Variants in DNAH9 observed in about 807,000 individuals in gnomAD.
DNAH9 encodes DNAH9 variant protein.
Under a neutral mutation model 471.6 loss-of-function variants are expected in DNAH9, and 345 were observed. The observed-to-expected ratio is 0.73, with a 90% CI of 0.67 to 0.80. The LOEUF is 0.80. Among genes scored for constraint, DNAH9 ranks in the 30% least tolerant of loss-of-function variants. The probability of loss-of-function intolerance (pLI) is 0.00; values close to 1 mark genes in which losing one functional copy is unlikely to be tolerated. For missense variants in DNAH9, 5,407 were observed against 5,609.2 expected, an observed-to-expected ratio of 0.96 and a Z score of 1.15; for synonymous variants, 2,093 against 2,123.6, an observed-to-expected ratio of 0.99 and a Z score of 0.40.
In DNAH9 at chr17:11,689,677, T is replaced by C; in HGVS notation, c.3855T>C (p.Asn1285=). The C allele has an allele frequency of 6.2e-7, 1 of 1,614,136 alleles. No individual in the cohort carries two copies. The highest frequency in any genetic ancestry group is 8.5e-7 in the Non-Finnish European group (1 of 1,180,010). ...ISESASLFEV[N]VPDYKQLRQC... ...AGTCTGCCAGCTTATTTGAAGTCAA[T>C]GTCCCTGACTATAAGCAGCTGAGGC... Residue 1285 remains asparagine, a synonymous_variant, in exon 20 of 69, where the codon AAT becomes AAC. Transcript: ENST00000262442.
chr17:11,783,202 A>T (rs974322063), intron 39 of DNAH9, among the ~76,000 whole-genome samples: 1 of 152,092 alleles, frequency 6.6e-6, no homozygotes, highest in East Asian at 1.9e-4. Flanking sequence ...TCTAGTGATA[A>T]GTGGAAAAGA....
chr17:11,608,707 A>G (rs1229533289), intron 2 of DNAH9, among the ~76,000 whole-genome samples: 1 of 152,194 alleles, frequency 6.6e-6, no homozygotes, highest in Admixed American at 6.5e-5. Flanking sequence ...TTTACTCAGT[A>G]CATAATGTCA....
intron 26 of DNAH9, among the ~76,000 whole-genome samples, chr17:11,707,946 G>A (rs2074733866): frequency 7.4e-6 from 1 of 136,050 alleles, no homozygotes. Flanking sequence ...TTTCTAAAAG[G>A]CAGCCTCTCC....
In DNAH9 at chr17:11,768,595, A is replaced by C. The variant is rs759942871; in HGVS notation, c.7313A>C (p.Gln2438Pro). The change falls in exon 37 of 69, where the codon CAG becomes CCG. Residue 2438 changes from glutamine to proline, a missense_variant. This residue lies in a region of DNAH9 where 4,636 missense variants were observed against 4,900.3 expected (regional missense o/e 0.95). Transcript: ENST00000262442. ...GAGCCTTGGTCCAAGCTCGTCCCCC[A>C]GTTCGAATTTGACCCCGAGATGCCC... ...KFEPWSKLVP[Q>P]FEFDPEMPLQ... 12 of 1,613,914 alleles carry C rather than the reference A, an allele frequency of 7.4e-6. No homozygotes were observed. Among genetic ancestry groups the C allele is most frequent in the Non-Finnish European group, 7.6e-6 (9 of 1,179,966 alleles).
At chr17:11,685,716 C>T (rs933156791) in intron 19 of DNAH9, among the ~76,000 whole-genome samples, 4 of 151,528 alleles carry the variant, frequency 2.6e-5, no homozygotes, top group African/African-American at 2.4e-5. Flanking sequence ...GACAAGTGGT[C>T]GGAAGAGCTT....
chr17:11,779,753 AGTT>A (rs1968600027), intron 38 of DNAH9, among the ~76,000 whole-genome samples: 1 of 152,186 alleles, frequency 6.6e-6, no homozygotes, highest in Non-Finnish European at 1.5e-5. Flanking sequence ...TCTCACATAT[AGTT>A]GTTATATCTT....
chr17:11,703,788 T>A (rs1234555089), intron 24 of DNAH9, among the ~76,000 whole-genome samples: 3 of 152,120 alleles, frequency 2.0e-5, no homozygotes, highest in African/African-American at 7.2e-5. Flanking sequence ...GCTCACTAAA[T>A]TAGGTTGTCA....
At chr17:11,674,834 G>T (rs1205287734) in intron 17 of DNAH9, among the ~76,000 whole-genome samples, 2 of 151,976 alleles carry the variant, frequency 1.3e-5, no homozygotes, top group African/African-American at 4.8e-5. Context: ...ACATTAAATA[G>T]TCCCTTATCT....
At chr17:11,963,170 C>A (rs888000685) in intron 68 of DNAH9, among the ~76,000 whole-genome samples, 1 of 152,086 alleles carries the variant, frequency 6.6e-6, no homozygotes, top group South Asian at 2.1e-4. Context: ...CACAGTGGCT[C>A]ACACCTGTAA....
chr17:11,738,897 T>G lies in DNAH9; in HGVS notation c.5832T>G (p.Asp1944Glu). 6.2e-7 allele frequency: 1 copy of G among 1,614,090 alleles called. No homozygotes were observed. ...VVAVQVKSIQ[D>E]AIRDKKQWFS... ...TTCACCAGGTAAAAAGCATTCAAGA[T>G]GCGATTAGAGATAAGAAGCAGTGGT... Residue 1944 changes from aspartate (D) to glutamate (E), a missense_variant, in exon 29 of 69, where the codon GAT (aspartate) becomes GAG (glutamate). Physicochemically the swap from Asp to Glu is conservative, Grantham distance 45. Transcript: ENST00000262442.
chr17:11,852,814 G>GTGTGTATATATATA (rs1169950713), intron 49 of DNAH9, among the ~76,000 whole-genome samples: 2 of 92,684 alleles, frequency 2.2e-5, no homozygotes, highest in African/African-American at 7.7e-5. Context: ...GTGTGTGTGT[G>GTGTGTATATATATA]TATATATATA....
intron 15 of DNAH9, among the ~76,000 whole-genome samples, chr17:11,668,083 T>G (rs1327151484): frequency 6.6e-6 from 1 of 152,240 alleles, no homozygotes; most frequent in Non-Finnish European, 1.5e-5. Flanking sequence ...TCTTGCTCTG[T>G]GTTGTATTTT....
intron 22 of DNAH9, among the ~76,000 whole-genome samples, chr17:11,696,243 G>C (rs2074474718): frequency 6.6e-6 from 1 of 152,134 alleles, no homozygotes; most frequent in African/African-American, 2.4e-5. Flanking sequence ...ACGCCTACCT[G>C]TTTGCACTTT....
rs1321489980 is a variant in DNAH9 at position 11,747,665 on chromosome 17, T to G, written c.6509T>G (p.Ile2170Ser). The G allele has an allele frequency of 6.2e-7, 1 of 1,614,130 alleles. No individual in the cohort carries two copies. Among genetic ancestry groups the G allele is most frequent in the Admixed American group, 1.7e-5 (1 of 60,014 alleles). ...AGGTCCTTGCACAAGACCTATCAGATCATGAAACGGCGCCCCGTCTGGACT... is the reference window on the plus strand; with the variant it reads ...AGGTCCTTGCACAAGACCTATCAGAGCATGAAACGGCGCCCCGTCTGGACT... ...VLRSLHKTYQ[I>S]MKRRPVWTDL... The change falls in exon 32 of 69, where the codon ATC becomes AGC. Residue 2170 changes from isoleucine (I) to serine (S), a missense_variant. By Grantham distance (142) the Ile-to-Ser change is moderately radical (BLOSUM62 -2). This residue lies in a region of DNAH9 where 4,636 missense variants were observed against 4,900.3 expected (regional missense o/e 0.95). Coordinates refer to ENST00000262442, the MANE Select transcript of DNAH9 (RefSeq NM_001372.4).
intron 14 of DNAH9, among the ~76,000 whole-genome samples, chr17:11,658,098 G>C (rs1215863559): frequency 1.3e-5 from 2 of 152,076 alleles, no homozygotes; most frequent in African/African-American, 2.4e-5. Flanking sequence ...TAAATCTGTA[G>C]ATTAATTTGA....
chr17:11,645,873 C>CTTTTT (rs1205010044), intron 11 of DNAH9, among the ~76,000 whole-genome samples: 2,482 of 137,932 alleles, frequency 0.018, 147 homozygotes, highest in African/African-American at 0.069. Flanking sequence ...TTCTCTTTTT[C>CTTTTT]TTTTTCTTTT....
chr17:11,905,752 C>A lies in DNAH9; in HGVS notation c.11692C>A (p.Pro3898Thr). The stretch of plus-strand genomic sequence containing the variant: ...ATTTGAAGAATCGGGACCAGCCACT[C>A]CTATGTTTTTCATCCTGTCTCCAGG... ...TSFEESGPAT[P>T]MFFILSPGVD... Residue 3898 changes from proline (P) to threonine (T), a missense_variant, in exon 61 of 69, where the codon CCT (proline) becomes ACT (threonine). Physicochemically the swap from Pro to Thr is conservative, Grantham distance 38 (BLOSUM62 -1). Around this residue, in one of 3 missense-constraint regions of DNAH9, gnomAD observed 4,636 missense variants for 4,900.3 expected, o/e 0.95. Coordinates refer to ENST00000262442, the MANE Select transcript of DNAH9 (RefSeq NM_001372.4). 6.2e-7 allele frequency: 1 copy of A among 1,614,106 alleles called. No individual in the cohort carries two copies. Among genetic ancestry groups the A allele is most frequent in the Non-Finnish European group, 8.5e-7 (1 of 1,180,008 alleles).
chr17:11,894,337 A>T, intron 58 of DNAH9, 37 bp from the exon 59 acceptor site: 1 of 1,608,924 alleles, frequency 6.2e-7, no homozygotes. Flanking sequence ...TCTGGCTACA[A>T]GCTAAAGAAA....
intron 31 of DNAH9, among the ~76,000 whole-genome samples, chr17:11,745,634 A>G (rs189335137): frequency 1.8e-4 from 27 of 152,342 alleles, no homozygotes; most frequent in Non-Finnish European, 3.2e-4. Flanking sequence ...GAAAATAACA[A>G]AGAGAATATT....
Sources: allele counts gnomAD v4.1 joint callset (sites outside exome capture counted in the v4.1 genomes callset), GRCh38; gene constraint gnomAD v4.1.1; regional missense constraint gnomAD v4.1.1; transcripts MANE v1.5; gene names NCBI Gene and HGNC (gene_info 2026-07-23, HGNC 2026-07-21).